MYO9A: variants seen among roughly 807,000 people sequenced by gnomAD.
The protein encoded by MYO9A is myosin IXA, also known as unconventional myosin-IXa.
Under a neutral mutation model 293.3 loss-of-function variants are expected in MYO9A, and 103 were observed. The observed-to-expected ratio is 0.35, with a 90% confidence interval of 0.30 to 0.41. MYO9A has a LOEUF of 0.41. Ranked by LOEUF, MYO9A falls within the 10% of genes least tolerant of loss-of-function variation. The pLI is 1.00. For missense variants in MYO9A, 2,685 were observed against 3,033.0 expected, an observed-to-expected ratio of 0.89 and a Z score of 2.69; for synonymous variants, 1,001 against 1,035.7, an observed-to-expected ratio of 0.97 and a Z score of 0.64.
At chr15:72,045,612 T>C in intron 2 of MYO9A, 112 bp downstream of exon 2, 1 of 1,205,814 alleles carries the variant, frequency 8.3e-7, no homozygotes, top group Non-Finnish European at 1.1e-6. Flanking sequence ...TCTTGCTTGA[T>C]CTACTCCACA....
chr15:71,934,110 C>T (rs1355125220), intron 17 of MYO9A, among the ~76,000 whole-genome samples: 2 of 152,072 alleles, frequency 1.3e-5, no homozygotes, highest in African/African-American at 2.4e-5. Flanking sequence ...ATCACCAAAA[C>T]GTAATCTTCC....
chr15:72,046,496 C>T lies in MYO9A; in HGVS notation c.68G>A (p.Gly23Glu), dbSNP rs2078388718. Residue 23 changes from glycine (G) to glutamate (E), a missense_variant, in exon 2 of 42, where the codon GGG becomes GAG. By Grantham distance (98) the Gly-to-Glu change is moderately conservative. Transcript: ENST00000356056. ...DNEHTLRIYP[G>E]AISEGTIYCP... ...GTAGATTGTCCCTTCTGAAATAGCC[C>T]CAGGATATATCCGTAATGTATGTTC... is the stretch of plus-strand genomic sequence containing the variant. 1 of 1,614,006 alleles carries T rather than the reference C, an allele frequency of 6.2e-7. No homozygotes were observed. The highest frequency in any genetic ancestry group is 8.5e-7 in the Non-Finnish European group (1 of 1,179,990).
At chr15:72,118,211 AC>A, upstream of MYO9A, 2 of 336,674 alleles carry the variant, frequency 5.9e-6, no homozygotes, top group Admixed American at 5.1e-5. Flanking sequence ...CCGCCCCCGC[AC>A]GTGACGCCAC....
At chr15:71,981,548 A>G (rs914113946) in intron 11 of MYO9A, among the ~76,000 whole-genome samples, 1 of 152,148 alleles carries the variant, frequency 6.6e-6, no homozygotes, top group South Asian at 2.1e-4. Flanking sequence ...ACATAAAGTT[A>G]TTCAGTGTGT....
chr15:72,085,946 G>A (rs2079708147), intron 1 of MYO9A, among the ~76,000 whole-genome samples: 1 of 152,148 alleles, frequency 6.6e-6, no homozygotes, highest in Non-Finnish European at 1.5e-5. Context: ...CTAAATCTGG[G>A]GGACTGGTAT....
At chr15:71,998,425 A>T (rs112555038) in intron 9 of MYO9A, among the ~76,000 whole-genome samples, 41 of 152,296 alleles carry the variant, frequency 2.7e-4, no homozygotes, top group African/African-American at 8.9e-4. Context: ...ACAAACCTGC[A>T]CTATACCCCG....
At chr15:72,067,396 G>C (rs576856873) in intron 1 of MYO9A, among the ~76,000 whole-genome samples, 1 of 151,822 alleles carries the variant, frequency 6.6e-6, no homozygotes. Context: ...TGTAACCTCC[G>C]CCTCAGCCTC....
chr15:72,102,970 GT>G (rs1300423656), intron 1 of MYO9A, among the ~76,000 whole-genome samples: 1 of 147,636 alleles, frequency 6.8e-6, no homozygotes, highest in Non-Finnish European at 1.5e-5. Flanking sequence ...ATTATATATG[GT>G]TTTTTTTGTT....
chr15:71,918,128 T>C (rs1206251597), intron 18 of MYO9A, among the ~76,000 whole-genome samples: 1 of 152,186 alleles, frequency 6.6e-6, no homozygotes, highest in Non-Finnish European at 1.5e-5. Context: ...AAAATGCCAT[T>C]TCTTTTAAAA....
At chr15:72,008,233 A>T (rs1396026780) in intron 7 of MYO9A, among the ~76,000 whole-genome samples, 1 of 152,162 alleles carries the variant, frequency 6.6e-6, no homozygotes, top group African/African-American at 2.4e-5. Flanking sequence ...ACAGTGTTTT[A>T]AAAAGGCCAT....
At chr15:72,092,077 T>C (rs753485300) in intron 1 of MYO9A, among the ~76,000 whole-genome samples, 1 of 152,072 alleles carries the variant, frequency 6.6e-6, no homozygotes, top group Non-Finnish European at 1.5e-5. Context: ...GCCCAAAACA[T>C]AAGATAGGGC....
Position 71,830,973 on chromosome 15 carries a change from CTTTTTTTTTTTTT to C in MYO9A, c.6838-675_6838-663del, listed in dbSNP as rs67440366. Among the ~76,000 whole-genome samples, 3 of 103,080 alleles carry C rather than the reference CTTTTTTTTTTTTT, an allele frequency of 2.9e-5. No individual in the cohort carries two copies. The East Asian group carries it at 8.7e-4, about 30-fold the overall frequency. The allele number at this position is 103,080 out of a possible 152,430, so 67.6% of individuals were successfully genotyped here. ...GTGAAAATCTCATTGCTGCTTCTTC[CTTTTTTTTTTTTT>C]TTTTTTTTTTTTAAACATTGGTTAC... is the stretch of plus-strand genomic sequence containing the variant. On this transcript the variant is annotated intron_variant, in intron 39 of 41. Transcript: ENST00000356056.
intron 27 of MYO9A, among the ~76,000 whole-genome samples, chr15:71,885,316 T>C (rs1448863492): frequency 6.6e-6 from 1 of 152,176 alleles, no homozygotes; most frequent in Admixed American, 6.6e-5. Flanking sequence ...ATGTAAATAA[T>C]ATTCACAGTT....
intron 2 of MYO9A, chr15:72,045,089 A>G (rs1164842880): frequency 2.0e-5 from 3 of 152,200 alleles, no homozygotes; most frequent in African/African-American, 7.2e-5. Flanking sequence ...GAATAGGAAC[A>G]GTATTTTTCT....
At chr15:71,882,667 G>C (rs2056909083) in intron 28 of MYO9A, among the ~76,000 whole-genome samples, 1 of 152,082 alleles carries the variant, frequency 6.6e-6, no homozygotes, top group African/African-American at 2.4e-5. Flanking sequence ...AAAGTGCCAG[G>C]CATCTGCTAG....
At chr15:72,060,646 AG>A (rs1281125381) in intron 1 of MYO9A, among the ~76,000 whole-genome samples, 1 of 152,180 alleles carries the variant, frequency 6.6e-6, no homozygotes, top group Non-Finnish European at 1.5e-5. Context: ...CATTTAGACG[AG>A]CCCTAATCAG....
chr15:71,840,495 C>CTCTT (rs1567185200), intron 39 of MYO9A, among the ~76,000 whole-genome samples: 1 of 152,200 alleles, frequency 6.6e-6, no homozygotes, highest in East Asian at 1.9e-4. Flanking sequence ...AGAAAATATC[C>CTCTT]TCTTTCCCTC....
chr15:72,052,407 G>T (rs2078593283), intron 1 of MYO9A, among the ~76,000 whole-genome samples: 1 of 152,152 alleles, frequency 6.6e-6, no homozygotes, highest in African/African-American at 2.4e-5. Context: ...CCTTCCACTT[G>T]TCCGTGTACC....
rs1198328467 is a variant in MYO9A, at chr15:71,960,058, G to A, written c.2025C>T (p.Asp675=). ...REKNTDHMRP[D]IVALLRSSKN... is the part of the protein sequence containing the mutation. Reference sequence around the variant, plus strand: ...TGCTGCTTCTCAGAAGAGCTACAATGTCTGGGCGCATATGATCTGTATTTT... The same window carrying A: ...TGCTGCTTCTCAGAAGAGCTACAATATCTGGGCGCATATGATCTGTATTTT... The change falls in exon 14 of 42, where the codon GAC becomes GAT. Residue 675 remains aspartate, a synonymous_variant. Transcript: ENST00000356056. 6.2e-7 allele frequency: 1 copy of A among 1,613,874 alleles called. No individual in the cohort carries two copies. The highest frequency in any genetic ancestry group is 2.2e-5 in the East Asian group (1 of 44,890).
Sources: gnomAD v4.1 joint callset for allele counts (sites outside exome capture counted in the v4.1 genomes callset) on GRCh38, gnomAD v4.1.1 for gene constraint, MANE v1.5 for transcripts, NCBI Gene and HGNC (gene_info 2026-07-23, HGNC 2026-07-21) for gene names.